SMC3: variants seen among roughly 807,000 people sequenced by gnomAD.
SMC3 encodes the protein structural maintenance of chromosomes protein 3.
A neutral mutation model predicts 171.8 loss-of-function variants in SMC3; 20 were observed. The observed-to-expected ratio is 0.12, with a 90% CI of 0.08 to 0.17. The LOEUF (loss-of-function observed/expected upper bound fraction) is 0.17, where lower values mean the gene tolerates loss of function less well. SMC3 is among the 10% of genes least tolerant of loss of function. The pLI is 1.00. For missense variants in SMC3, 543 were observed against 1,420.4 expected (o/e 0.38, Z 9.93); for synonymous variants, 464 against 451.1 (o/e 1.03, Z -0.36).
chr10:110,586,545 T>C (rs1390125573), intron 13 of SMC3, among the ~76,000 whole-genome samples: 1 of 152,242 alleles, frequency 6.6e-6, no homozygotes, highest in Non-Finnish European at 1.5e-5. Context: ...TTTGTCATGC[T>C]TGAAGTTCAT....
At chr10:110,576,449 T>G (rs984313737) in intron 4 of SMC3, among the ~76,000 whole-genome samples, 5 of 152,230 alleles carry the variant, frequency 3.3e-5, no homozygotes, top group African/African-American at 1.2e-4. Context: ...ATTGGCACAT[T>G]ACCAATGTGA....
intron 22 of SMC3, 96 bp downstream of exon 22, chr10:110,600,642 C>T: frequency 1.3e-6 from 1 of 744,500 alleles, no homozygotes; most frequent in Non-Finnish European, 2.4e-6. Flanking sequence ...AAAGCATGGG[C>T]TTTGGGGACA....
At chr10:110,597,139 GTC>G (rs1447508757) in intron 19 of SMC3, among the ~76,000 whole-genome samples, 1 of 32,976 alleles carries the variant, frequency 3.0e-5, no homozygotes. Flanking sequence ...GTGGGACCCT[GTC>G]TCAAAAAAAA....
In SMC3 at chr10:110,567,710, G is replaced by GC; in HGVS notation, c.-106dup. The GC allele has an allele frequency of 7.2e-7, 1 of 1,386,820 alleles. No homozygotes were observed. 85.9% of individuals were successfully genotyped at this position (1,386,820 alleles called of 1,614,324 possible). A position where few individuals can be genotyped will look rare whatever the true frequency, so the allele number is the denominator to read the frequency against. On this transcript the variant is annotated 5_prime_UTR_variant, in exon 1 of 29. Coordinates refer to ENST00000361804, the MANE Select transcript of SMC3 (RefSeq NM_005445.4). Reference sequence around the variant, plus strand: ...CCGCCATTTTGTTTGGCTGAGGGGAGCGAGCGGCGCTTTGGGGGAGGGGTC... The same window carrying GC: ...CCGCCATTTTGTTTGGCTGAGGGGAGCCGAGCGGCGCTTTGGGGGAGGGGTC...
intron 13 of SMC3, 44 bp from the exon 14 acceptor site, chr10:110,589,561 T>C: frequency 8.1e-7 from 1 of 1,237,754 alleles, no homozygotes; most frequent in Admixed American, 1.9e-5. Flanking sequence ...CAGTGTAGAT[T>C]AGTTTCATGA....
chr10:110,581,867 G>A (rs1861034894), intron 8 of SMC3, 56 bp from the exon 9 acceptor site: 1 of 1,340,388 alleles, frequency 7.5e-7, no homozygotes, highest in African/African-American at 1.4e-5. Flanking sequence ...TTTAAGAAGT[G>A]ATATTACATA....
rs983597123 is a variant in SMC3 at position 110,604,463 on chromosome 10, A to G, written c.*161A>G. The G allele has an allele frequency of 1.6e-6, 1 of 606,556 alleles. No homozygotes were observed. The highest frequency in any genetic ancestry group is 2.9e-6 in the Non-Finnish European group (1 of 340,048). The allele number at this position is 606,556 out of a possible 1,614,324, so 37.6% of individuals were successfully genotyped here. A position where few individuals can be genotyped will look rare whatever the true frequency, so the allele number is the denominator to read the frequency against. On this transcript the variant is annotated 3_prime_UTR_variant, in exon 29 of 29. Transcript: ENST00000361804. The stretch of plus-strand genomic sequence containing the variant: ...TTTGTATTTTATAAGATACTCTGTA[A>G]TGTCATGTTTGTACTGATAGTTTAA...
chr10:110,601,949 A>C lies in SMC3; in HGVS notation c.2893-17A>C. ...TATATAAATTTATTTATATGAATACATATTTTCTCTTTATAGTTGTTTCGA... is the reference window on the plus strand; with the variant it reads ...TATATAAATTTATTTATATGAATACCTATTTTCTCTTTATAGTTGTTTCGA... On this transcript the variant is annotated splice_polypyrimidine_tract_variant and intron_variant, in intron 24 of 28. Coordinates refer to ENST00000361804, the MANE Select transcript of SMC3 (RefSeq NM_005445.4). 1.2e-6 allele frequency: 2 copies of C among 1,609,658 alleles called. No homozygotes were observed. Among genetic ancestry groups the C allele is most frequent in the South Asian group, 2.2e-5 (2 of 90,714 alleles).
Position 110,601,139 on chromosome 10 carries a change from T to C in SMC3, c.2644+9T>C. 4 of 1,602,582 alleles carry C rather than the reference T, an allele frequency of 2.5e-6. No individual in the cohort carries two copies. Among genetic ancestry groups the C allele is most frequent in the Non-Finnish European group, 3.4e-6 (4 of 1,169,676 alleles). The stretch of plus-strand genomic sequence containing the variant: ...TATGGCACGATCAGAAGGTGAATTT[T>C]TATGTAGTAAAATTTTGTTTATATG... On this transcript the variant is annotated intron_variant, in intron 23 of 28. Transcript: ENST00000361804.
At chr10:110,571,040 A>G (rs897137537) in intron 2 of SMC3, among the ~76,000 whole-genome samples, 1 of 152,218 alleles carries the variant, frequency 6.6e-6, no homozygotes, top group African/African-American at 2.4e-5. Context: ...ATACGTTTTT[A>G]GGGATTTTTT....
intron 4 of SMC3, among the ~76,000 whole-genome samples, chr10:110,576,746 A>C (rs1860956158): frequency 6.6e-6 from 1 of 152,184 alleles, no homozygotes; most frequent in Admixed American, 6.6e-5. Context: ...TAAAATAATT[A>C]ATAACCTCTT....
At position 110,567,800 on chromosome 10, in the gene SMC3, G is replaced by A. The variant is rs770379290; in HGVS notation, c.-17G>A. 62 of 1,613,380 alleles carry A rather than the reference G, an allele frequency of 3.8e-5. No individual in the cohort carries two copies. The highest frequency in any genetic ancestry group is 5.1e-5 in the Non-Finnish European group (60 of 1,179,816). On this transcript the variant is annotated 5_prime_UTR_variant, in exon 1 of 29. Transcript: ENST00000361804. ...TGCTCCGGGGCAGGTCTCCTTCCAG[G>A]CCAGGGGCCCGGAATCATGTACATA...
chr10:110,590,864 C>A, intron 16 of SMC3, 127 bp from the exon 17 acceptor site: 1 of 866,734 alleles, frequency 1.2e-6, no homozygotes, highest in Non-Finnish European at 1.8e-6. Flanking sequence ...GTGTTTATAA[C>A]ATTTTAAAAG....
chr10:110,598,403 A>C, intron 20 of SMC3, 113 bp downstream of exon 20: 1 of 1,195,828 alleles, frequency 8.4e-7, no homozygotes. Flanking sequence ...TTTTGTTTGG[A>C]CCCATACTTT....
chr10:110,578,658 C>T lies in SMC3; in HGVS notation c.381C>T (p.Ser127=), dbSNP rs748876063. 15 of 1,610,538 alleles carry T rather than the reference C, an allele frequency of 9.3e-6. No individual in the cohort carries two copies. The highest frequency in any genetic ancestry group is 3.3e-5 in the South Asian group (3 of 90,476). Residue 127 remains serine, a synonymous_variant, in exon 7 of 29, where the codon AGC becomes AGT. Transcript: ENST00000361804. Reference sequence around the variant, plus strand: ...ATGATGTGATGAACCTCCTTGAAAGCGCTGGTTTTTCTCGAAGCAATCCTT... The same window carrying T: ...ATGATGTGATGAACCTCCTTGAAAGTGCTGGTTTTTCTCGAAGCAATCCTT... The part of the protein sequence containing the change: ...TKNDVMNLLE[S]AGFSRSNPYY...
rs1318513015 is a variant in SMC3 at position 110,573,894 on chromosome 10, T to A, written c.130+149T>A. Reference sequence around the variant, plus strand: ...GCAGCTTAGTGTAGAGGGTTTAGAGTATACAGATCTGAATTCTGCTTTATA... The same window carrying A: ...GCAGCTTAGTGTAGAGGGTTTAGAGAATACAGATCTGAATTCTGCTTTATA... On this transcript the variant is annotated intron_variant, in intron 3 of 28. Coordinates refer to ENST00000361804, the MANE Select transcript of SMC3 (RefSeq NM_005445.4). The A allele has an allele frequency of 8.1e-6, 5 of 621,092 alleles. No individual in the cohort carries two copies. In the African/African-American group the frequency reaches 9.2e-5, roughly 11 times the overall value. The allele number at this position is 621,092 out of a possible 1,614,324, so 38.5% of individuals were successfully genotyped here.
rs746732434 is a variant in SMC3 at position 110,582,118 on chromosome 10, C to T, written c.723+20C>T. On this transcript the variant is annotated intron_variant, in intron 9 of 28. Coordinates refer to ENST00000361804, the MANE Select transcript of SMC3 (RefSeq NM_005445.4). ...GATGAGGTAAAATATTTACCTGTGA[C>T]ACTTAAAATCAGATTAATTTTGTTT... 2 of 1,585,450 alleles carry T rather than the reference C, an allele frequency of 1.3e-6. No homozygotes were observed. Among genetic ancestry groups the T allele is most frequent in the Admixed American group, 1.7e-5 (1 of 59,946 alleles).
intron 19 of SMC3, 84 bp downstream of exon 19, chr10:110,596,634 C>T (rs1861304995): frequency 1.8e-5 from 24 of 1,309,542 alleles, no homozygotes; most frequent in South Asian, 1.1e-4. Flanking sequence ...TTTGTTTTTT[C>T]ACATATTAAA....
At chr10:110,576,929 G>C (rs762071809) in intron 4 of SMC3, among the ~76,000 whole-genome samples, 5 of 152,088 alleles carry the variant, frequency 3.3e-5, no homozygotes, top group Non-Finnish European at 5.9e-5. Context: ...TTAAAAAACA[G>C]ACTTTTGGTA....
Sources: allele counts gnomAD v4.1 joint callset (sites outside exome capture counted in the v4.1 genomes callset), GRCh38; gene constraint gnomAD v4.1.1; transcripts MANE v1.5; gene names NCBI Gene and HGNC (gene_info 2026-07-23, HGNC 2026-07-21).